The following DGKG variants were observed in gnomAD, a reference collection of about 807,000 sequenced individuals.
DGKG encodes diacylglycerol kinase gamma.
A neutral mutation model predicts 105.3 loss-of-function variants in DGKG; 78 were observed. That is an observed-to-expected ratio of 0.74 (90% CI 0.62 to 0.89). DGKG has a LOEUF of 0.89. Among genes scored for constraint, DGKG ranks in the 40% least tolerant of loss-of-function variants. The pLI, the probability that DGKG is intolerant of heterozygous loss-of-function variation, is 0.00. For synonymous variants in DGKG, 346 were observed against 367.1 expected (o/e 0.94, Z 0.66); for missense variants, 958 against 1,020.1 (o/e 0.94, Z 0.83).
intron 9 of DGKG, among the ~76,000 whole-genome samples, chr3:186,278,128 C>T (rs1409791538): frequency 4.6e-5 from 7 of 152,072 alleles, no homozygotes; most frequent in African/African-American, 9.7e-5. Context: ...TCTCCTTCCT[C>T]CTGCCACAAG....
intron 1 of DGKG, among the ~76,000 whole-genome samples, chr3:186,353,069 G>A (rs781233333): frequency 3.3e-5 from 5 of 152,126 alleles, no homozygotes; most frequent in Non-Finnish European, 4.4e-5. Context: ...TGCATACATG[G>A]TTCCCTTTAC....
At chr3:186,242,728 C>G in intron 19 of DGKG, 160 bp from the exon 20 acceptor site, 1 of 561,626 alleles carries the variant, frequency 1.8e-6, no homozygotes, top group South Asian at 2.5e-5. Flanking sequence ...CCAACAGAGG[C>G]TCAACACTGC....
chr3:186,312,638 A>G (rs946954466), intron 2 of DGKG, among the ~76,000 whole-genome samples: 1 of 152,240 alleles, frequency 6.6e-6, no homozygotes, highest in Admixed American at 6.5e-5. Flanking sequence ...CGCATGAGCA[A>G]AAAAATAAAA....
rs1717529811 is a variant in DGKG at position 186,184,602 on chromosome 3, T to G, written c.2095+3600A>C. Among the ~76,000 whole-genome samples the G allele has an allele frequency of 2.0e-5, 3 of 152,040 alleles. No individual in the cohort carries two copies. In the South Asian group the frequency reaches 6.2e-4, roughly 32 times the overall value. The stretch of plus-strand genomic sequence containing the variant: ...TTTAGTAGAGATGGGGTTTCATCAT[T>G]TTGGCCAGGCTGGTCTCAAACTCCT... On this transcript the variant is annotated intron_variant, in intron 22 of 24. Transcript: ENST00000265022.
chr3:186,147,422 A>G lies in DGKG; in HGVS notation c.*2668T>C, dbSNP rs1443324128. ...TTCTCTGCTAACCTCAGAGGTTGCTATGAGGGTCACTATGATGAGGGACTC... is the reference window on the plus strand; with the variant it reads ...TTCTCTGCTAACCTCAGAGGTTGCTGTGAGGGTCACTATGATGAGGGACTC... On this transcript the variant is annotated 3_prime_UTR_variant, in exon 25 of 25. Coordinates refer to ENST00000265022, the MANE Select transcript of DGKG (RefSeq NM_001346.3). 17 of 979,946 alleles carry G rather than the reference A, an allele frequency of 1.7e-5. No individual in the cohort carries two copies. The highest frequency in any genetic ancestry group is 1.9e-5 in the Non-Finnish European group (16 of 824,876). 60.7% of individuals were successfully genotyped at this position (979,946 alleles called of 1,614,324 possible).
At chr3:186,347,033 T>C (rs534960064) in intron 1 of DGKG, among the ~76,000 whole-genome samples, 1 of 152,286 alleles carries the variant, frequency 6.6e-6, no homozygotes, top group Admixed American at 6.5e-5. Flanking sequence ...TCCTTTCTTT[T>C]TGTTTGCATT....
intron 3 of DGKG, 37 bp from the exon 4 acceptor site, chr3:186,298,266 A>G: frequency 6.5e-7 from 1 of 1,543,784 alleles, no homozygotes; most frequent in Non-Finnish European, 8.7e-7. Flanking sequence ...AGTGGAGAGA[A>G]GCAAAGGGAC....
At chr3:186,217,278 T>TC (rs77139272) in intron 20 of DGKG, among the ~76,000 whole-genome samples, 27 of 152,110 alleles carry the variant, frequency 1.8e-4, no homozygotes, top group Admixed American at 3.3e-4. Context: ...CATTTTTTTT[T>TC]CCCCTCTTAC....
intron 1 of DGKG, among the ~76,000 whole-genome samples, chr3:186,359,515 A>ATTTTGTAT (rs1727129251): frequency 6.6e-6 from 1 of 152,182 alleles, no homozygotes; most frequent in South Asian, 2.1e-4. Context: ...CTGGGTTTGA[A>ATTTTGTAT]TCTTGATTCT....
chr3:186,161,651 C>T lies in DGKG; in HGVS notation c.2229G>A (p.Leu743=). The part of the protein sequence containing the change: ...CASVTIRTNK[L]LPMQVDGEPW... ...GTTCTCCATCCACTTGCATTGGCAG[C>T]AGCTTGTTTGTCCTGGAACCCAGAA... The change falls in exon 24 of 25, where the codon CTG becomes CTA. Residue 743 remains leucine (L), a synonymous_variant. Coordinates refer to ENST00000265022, the MANE Select transcript of DGKG (RefSeq NM_001346.3). 2 of 1,614,210 alleles carry T rather than the reference C, an allele frequency of 1.2e-6. No homozygotes were observed. The highest frequency in any genetic ancestry group is 1.7e-6 in the Non-Finnish European group (2 of 1,180,034).
At chr3:186,254,095 G>A (rs532536102) in intron 17 of DGKG, among the ~76,000 whole-genome samples, 16 of 152,256 alleles carry the variant, frequency 1.1e-4, no homozygotes, top group African/African-American at 3.4e-4. Context: ...CAGATCTACC[G>A]TGGCATATTG....
At chr3:186,232,283 T>C (rs537300757) in intron 20 of DGKG, among the ~76,000 whole-genome samples, 1 of 152,356 alleles carries the variant, frequency 6.6e-6, no homozygotes, top group East Asian at 1.9e-4. Flanking sequence ...CTTCATAACC[T>C]ATAAATGCTA....
chr3:186,302,494 A>ACATATG (rs1560143582), intron 3 of DGKG, among the ~76,000 whole-genome samples: 13 of 9,912 alleles, frequency 1.3e-3, no homozygotes, highest in Admixed American at 2.9e-3. Context: ...ATATATATAT[A>ACATATG]TATATATATA....
chr3:186,172,551 T>A (rs568763293), intron 22 of DGKG, among the ~76,000 whole-genome samples: 2 of 152,322 alleles, frequency 1.3e-5, no homozygotes, highest in East Asian at 3.9e-4. Context: ...ACTGGCGTGC[T>A]GAGATGTTAG....
intron 20 of DGKG, among the ~76,000 whole-genome samples, chr3:186,222,854 T>C (rs4686750): frequency 0.5 from 74,253 of 148,972 alleles, 19,996 homozygotes; most frequent in East Asian, 0.87. Flanking sequence ...GGCGGGTGCA[T>C]GTATTCTGAG....
chr3:186,282,949 G>T lies in DGKG; in HGVS notation c.594+1711C>A, dbSNP rs189801676. The stretch of plus-strand genomic sequence containing the variant: ...TTTTGAGACGGAGTCTCCCTCTGTC[G>T]CCCAGGCTGGAGTAAGTGGCGTGAT... On this transcript the variant is annotated intron_variant, in intron 7 of 24. Transcript: ENST00000265022. 2.0e-5 allele frequency among the ~76,000 whole-genome samples: 3 copies of T among 148,790 alleles called. No individual in the cohort carries two copies. In the South Asian group the frequency reaches 6.5e-4, roughly 32 times the overall value.
chr3:186,316,367 T>C (rs891650140), intron 2 of DGKG, among the ~76,000 whole-genome samples: 4 of 152,270 alleles, frequency 2.6e-5, no homozygotes, highest in Non-Finnish European at 4.4e-5. Context: ...TTGTTTTACA[T>C]GTGTATGTTG....
rs1323822554 is a variant in DGKG, at chr3:186,342,218, GA to G, written c.-249+19727del. On this transcript the variant is annotated intron_variant, in intron 1 of 24. Transcript: ENST00000265022. The stretch of plus-strand genomic sequence containing the variant: ...ATGGGCTGAATAGTCTAGACAGCAA[GA>G]GATTGATTTGTTACGGAAATTCACG... Among the ~76,000 whole-genome samples, 5 of 152,216 alleles carry G rather than the reference GA, an allele frequency of 3.3e-5. No individual in the cohort carries two copies. The East Asian group carries it at 9.6e-4, about 29-fold the overall frequency.
intron 22 of DGKG, among the ~76,000 whole-genome samples, chr3:186,171,378 A>G (rs1716810891): frequency 6.6e-6 from 1 of 152,346 alleles, no homozygotes; most frequent in Admixed American, 6.5e-5. Flanking sequence ...AATAATAACT[A>G]TAGTTGTCTG....
Sources: allele counts gnomAD v4.1 joint callset (sites outside exome capture counted in the v4.1 genomes callset), GRCh38; gene constraint gnomAD v4.1.1; transcripts MANE v1.5; gene names NCBI Gene and HGNC (gene_info 2026-07-23, HGNC 2026-07-21).